TMCC3: variants seen among roughly 807,000 people sequenced by gnomAD.
The protein encoded by TMCC3 is transmembrane and coiled-coil domain protein 3.
A neutral mutation model predicts 40.2 loss-of-function variants in TMCC3; 28 were observed. The observed-to-expected ratio is 0.70, with a 90% CI of 0.52 to 0.95. TMCC3 has a LOEUF of 0.95. Among genes scored for constraint, TMCC3 ranks in the 40% least tolerant of loss-of-function variants. The pLI, the probability that TMCC3 is intolerant of heterozygous loss-of-function variation, is 0.00. For missense variants in TMCC3, 554 were observed against 615.2 expected (o/e 0.90, Z 1.05); for synonymous variants, 255 against 248.5 (o/e 1.03, Z -0.25).
intron 1 of TMCC3, chr12:94,609,957 C>T (rs568232429): frequency 6.6e-6 from 1 of 152,244 alleles, no homozygotes; most frequent in South Asian, 2.1e-4. Flanking sequence ...GGGGCTGAGT[C>T]CCATGTCCAT....
chr12:94,617,751 G>C (rs2068855495), intron 1 of TMCC3, among the ~76,000 whole-genome samples: 1 of 152,172 alleles, frequency 6.6e-6, no homozygotes, highest in Non-Finnish European at 1.5e-5. Flanking sequence ...TGGCTTAAGT[G>C]GTGTTGATTT....
chr12:94,576,860 A>C (rs879491629), intron 3 of TMCC3, among the ~76,000 whole-genome samples: 2 of 152,154 alleles, frequency 1.3e-5, no homozygotes, highest in Admixed American at 6.5e-5. Context: ...ATACTGGAGC[A>C]CAACTTTGTT....
chr12:94,641,408 G>C (rs1232054437), intron 1 of TMCC3, among the ~76,000 whole-genome samples: 1 of 152,096 alleles, frequency 6.6e-6, no homozygotes, highest in Non-Finnish European at 1.5e-5. Context: ...GTGTCTCATA[G>C]GATACAGTAA....
intron 1 of TMCC3, among the ~76,000 whole-genome samples, chr12:94,639,338 T>G (rs1362404047): frequency 1.3e-5 from 2 of 152,076 alleles, no homozygotes; most frequent in Non-Finnish European, 2.9e-5. Context: ...TCCCAGCACT[T>G]TGGGAGGGTG....
rs977875526 is a variant in TMCC3 at position 94,568,258 on chromosome 12, A to G, written c.*3177T>C. The G allele has an allele frequency of 3.1e-5, 4 of 131,014 alleles. No homozygotes were observed. The highest frequency in any genetic ancestry group is 1.1e-4 in the African/African-American group (4 of 35,370). The allele number at this position is 131,014 out of a possible 1,614,324, so 8.1% of individuals were successfully genotyped here. A position where few individuals can be genotyped will look rare whatever the true frequency, so the allele number is the denominator to read the frequency against. On this transcript the variant is annotated 3_prime_UTR_variant, in exon 4 of 4. Coordinates refer to ENST00000261226, the MANE Select transcript of TMCC3 (RefSeq NM_020698.4). ...TTTTGCTGTTTCATTATGGATTTCC[A>G]TTTTTTTTTTTTTTTTTTGGCAGTT...
intron 1 of TMCC3, among the ~76,000 whole-genome samples, chr12:94,595,726 C>T (rs532573883): frequency 5.3e-5 from 8 of 152,148 alleles, no homozygotes; most frequent in Admixed American, 3.3e-4. Flanking sequence ...GTCATTTCTT[C>T]GCCTTTTGCA....
chr12:94,648,967 A>T (rs765172197), intron 1 of TMCC3, among the ~76,000 whole-genome samples: 6 of 152,380 alleles, frequency 3.9e-5, no homozygotes, highest in Non-Finnish European at 5.9e-5. Context: ...CTATCCAAGA[A>T]GAAATGTCTA....
intron 3 of TMCC3, among the ~76,000 whole-genome samples, chr12:94,577,122 G>A (rs2068569946): frequency 6.6e-6 from 1 of 152,102 alleles, no homozygotes; most frequent in Non-Finnish European, 1.5e-5. Flanking sequence ...TGCTAGTATT[G>A]AGCACACAGT....
At chr12:94,621,307 T>A (rs1305801902) in intron 1 of TMCC3, among the ~76,000 whole-genome samples, 1 of 152,230 alleles carries the variant, frequency 6.6e-6, no homozygotes, top group Admixed American at 6.5e-5. Flanking sequence ...CTCTTCTGGC[T>A]CCTTCGAGGA....
chr12:94,594,356 G>T (rs1302934514), intron 1 of TMCC3, among the ~76,000 whole-genome samples: 1 of 152,012 alleles, frequency 6.6e-6, no homozygotes, highest in African/African-American at 2.4e-5. Context: ...ACCTCCCAAA[G>T]TGTTGGGATT....
intron 1 of TMCC3, among the ~76,000 whole-genome samples, chr12:94,620,343 A>G: frequency 6.7e-6 from 1 of 149,994 alleles, no homozygotes. Context: ...GCTGGAGTGT[A>G]ATGGCGCGAT....
chr12:94,605,470 G>C (rs533257724), intron 1 of TMCC3, among the ~76,000 whole-genome samples: 1 of 152,094 alleles, frequency 6.6e-6, no homozygotes, highest in African/African-American at 2.4e-5. Context: ...TTAAGTAAGC[G>C]TCTATCTGGG....
intron 1 of TMCC3, among the ~76,000 whole-genome samples, chr12:94,649,008 A>T (rs971788162): frequency 1.3e-5 from 2 of 152,224 alleles, no homozygotes; most frequent in Non-Finnish European, 2.9e-5. Context: ...TTCAATGTTT[A>T]TTCCAAATGG....
At chr12:94,638,023 A>G (rs933941679) in intron 1 of TMCC3, among the ~76,000 whole-genome samples, 1 of 152,200 alleles carries the variant, frequency 6.6e-6, no homozygotes, top group Non-Finnish European at 1.5e-5. Context: ...CAAAGAAAGG[A>G]GACCGGAGTT....
At chr12:94,641,199 C>CAAA (rs112330938) in intron 1 of TMCC3, among the ~76,000 whole-genome samples, 92 of 143,036 alleles carry the variant, frequency 6.4e-4, no homozygotes, top group Middle Eastern at 3.5e-3. Context: ...GACCCTGTCT[C>CAAA]AAAAAAAAAA....
intron 2 of TMCC3, among the ~76,000 whole-genome samples, chr12:94,580,379 G>T (rs2068592884): frequency 6.6e-6 from 1 of 152,094 alleles, no homozygotes; most frequent in African/African-American, 2.4e-5. Flanking sequence ...GATGACTTTG[G>T]AAAGTTCTTT....
chr12:94,574,669 A>G (rs890867768), intron 3 of TMCC3, among the ~76,000 whole-genome samples: 4 of 152,244 alleles, frequency 2.6e-5, no homozygotes, highest in African/African-American at 9.6e-5. Context: ...ACCAACGAAA[A>G]GGATAAAACT....
chr12:94,650,185 G>A (rs2069047612), intron 1 of TMCC3, among the ~76,000 whole-genome samples, 168 bp downstream of exon 1: 2 of 152,042 alleles, frequency 1.3e-5, no homozygotes, highest in Non-Finnish European at 2.9e-5. Flanking sequence ...CGACGCCCCC[G>A]ACGCCCACCC....
At chr12:94,591,097 G>A (rs2068672284) in intron 1 of TMCC3, 3 of 483,958 alleles carry the variant, frequency 6.2e-6, no homozygotes, top group South Asian at 1.7e-5. Flanking sequence ...AGATGGTCGT[G>A]CTGGTTGCCC....
Sources: gnomAD v4.1 joint callset for allele counts (sites outside exome capture counted in the v4.1 genomes callset) on GRCh38, gnomAD v4.1.1 for gene constraint, MANE v1.5 for transcripts, NCBI Gene and HGNC (gene_info 2026-07-23, HGNC 2026-07-21) for gene names.